CDH12: variants seen among roughly 807,000 people sequenced by gnomAD.
CDH12 encodes the protein cadherin 12.
CDH12 carries 41 observed loss-of-function variants against 74.1 expected under a neutral mutation model. The observed-to-expected ratio is 0.55, with a 90% CI of 0.43 to 0.72. The LOEUF is 0.72. CDH12 is among the 30% of genes least tolerant of loss of function. CDH12 has a pLI of 0.00. For synonymous variants in CDH12, 399 were observed against 355.0 expected (o/e 1.12, Z -1.39); for missense variants, 945 against 977.2 (o/e 0.97, Z 0.44).
At chr5:21,893,516 C>T (rs1209743053) in intron 6 of CDH12, among the ~76,000 whole-genome samples, 1 of 152,088 alleles carries the variant, frequency 6.6e-6, no homozygotes, top group Admixed American at 6.5e-5. Context: ...TTATTGTCAC[C>T]AGTAATATTT....
At chr5:22,569,589 T>C (rs1398357635) in intron 1 of CDH12, among the ~76,000 whole-genome samples, 2 of 152,336 alleles carry the variant, frequency 1.3e-5, no homozygotes, top group Non-Finnish European at 2.9e-5. Flanking sequence ...TTAGGACATA[T>C]TCTAAATCCT....
intron 4 of CDH12, among the ~76,000 whole-genome samples, chr5:22,181,760 T>C (rs1580367637): frequency 6.6e-6 from 1 of 152,268 alleles, no homozygotes; most frequent in Non-Finnish European, 1.5e-5. Flanking sequence ...GGAATGGTAA[T>C]TTCCCTTTCT....
intron 3 of CDH12, among the ~76,000 whole-genome samples, chr5:22,232,984 TTGG>T (rs1752437705): frequency 6.6e-6 from 1 of 151,036 alleles, no homozygotes; most frequent in Non-Finnish European, 1.5e-5. Context: ...ATGTCTGGGC[TTGG>T]TGTGCTAGTC....
chr5:22,803,633 G>T (rs901322174), intron 1 of CDH12, among the ~76,000 whole-genome samples: 1 of 152,132 alleles, frequency 6.6e-6, no homozygotes, highest in Non-Finnish European at 1.5e-5. Context: ...TTTAGCATCA[G>T]CTGGAAGTTC....
intron 2 of CDH12, among the ~76,000 whole-genome samples, chr5:22,440,138 A>G (rs1744566355): frequency 6.6e-6 from 1 of 152,118 alleles, no homozygotes; most frequent in South Asian, 2.1e-4. Flanking sequence ...TAATCTATTG[A>G]GAAGTGTTAG....
chr5:22,732,465 T>TACACACAC (rs1267497045), intron 1 of CDH12, among the ~76,000 whole-genome samples: 3 of 96,382 alleles, frequency 3.1e-5, no homozygotes, highest in African/African-American at 1.1e-4. Flanking sequence ...TGTATATATA[T>TACACACAC]ATATATACAC....
chr5:21,797,969 T>C (rs146539984), intron 10 of CDH12, among the ~76,000 whole-genome samples: 26 of 152,276 alleles, frequency 1.7e-4, no homozygotes, highest in African/African-American at 5.8e-4. Context: ...AGTTTCTCTA[T>C]GTAAATTCTT....
At chr5:21,985,228 T>C (rs189277086) in intron 5 of CDH12, among the ~76,000 whole-genome samples, 2,336 of 152,286 alleles carry the variant, frequency 0.015, 67 homozygotes, top group African/African-American at 0.053. Flanking sequence ...TCTGCTGGAA[T>C]GAGAAACTTC....
chr5:22,314,046 A>C (rs1240080682), intron 3 of CDH12, among the ~76,000 whole-genome samples: 2 of 152,238 alleles, frequency 1.3e-5, no homozygotes, highest in African/African-American at 4.8e-5. Flanking sequence ...GGAAAGTATT[A>C]GAAGACAATG....
chr5:22,806,793 C>T (rs1748838817), intron 1 of CDH12, among the ~76,000 whole-genome samples: 1 of 152,074 alleles, frequency 6.6e-6, no homozygotes, highest in Non-Finnish European at 1.5e-5. Flanking sequence ...ATTGTGTGTT[C>T]ATATCCTTTG....
intron 2 of CDH12, among the ~76,000 whole-genome samples, chr5:22,487,287 C>CCACT (rs1466880834): frequency 1.3e-5 from 2 of 152,080 alleles, no homozygotes; most frequent in African/African-American, 4.8e-5. Flanking sequence ...CAGGCATGAG[C>CCACT]CACTGTACCT....
chr5:22,158,386 T>A (rs1748146756), intron 4 of CDH12, among the ~76,000 whole-genome samples: 1 of 152,090 alleles, frequency 6.6e-6, no homozygotes, highest in African/African-American at 2.4e-5. Flanking sequence ...TGAGCACTTA[T>A]CACAAGTCAG....
intron 2 of CDH12, among the ~76,000 whole-genome samples, chr5:22,494,899 T>C (rs1373943066): frequency 2.0e-5 from 3 of 152,220 alleles, no homozygotes; most frequent in Non-Finnish European, 2.9e-5. Flanking sequence ...GATACATTCA[T>C]GCGTACCTTT....
At chr5:22,795,984 T>A (rs1748184359) in intron 1 of CDH12, among the ~76,000 whole-genome samples, 1 of 152,124 alleles carries the variant, frequency 6.6e-6, no homozygotes, top group Non-Finnish European at 1.5e-5. Flanking sequence ...TCATTTAATA[T>A]AATGTCCTCT....
chr5:22,292,341 G>GTTTTTTTTT (rs60010478), intron 3 of CDH12, among the ~76,000 whole-genome samples: 1 of 105,408 alleles, frequency 9.5e-6, no homozygotes, highest in Non-Finnish European at 2.0e-5. Context: ...TTTGGTTTTT[G>GTTTTTTTTT]TTTTTTTTTT....
intron 1 of CDH12, among the ~76,000 whole-genome samples, chr5:22,825,716 A>G (rs947387228): frequency 1.3e-5 from 2 of 152,188 alleles, no homozygotes; most frequent in African/African-American, 2.4e-5. Context: ...GCTTGTACTC[A>G]GAATGCAATG....
At chr5:22,481,496 A>G (rs573943896) in intron 2 of CDH12, among the ~76,000 whole-genome samples, 1 of 152,316 alleles carries the variant, frequency 6.6e-6, no homozygotes, top group East Asian at 1.9e-4. Flanking sequence ...AATGTGGCGT[A>G]TTTACAGTGG....
Position 22,675,381 on chromosome 5 carries a change from T to G in CDH12, c.-522-170017A>C, listed in dbSNP as rs986730213. On this transcript the variant is annotated intron_variant, in intron 1 of 14. Coordinates refer to ENST00000382254, the MANE Select transcript of CDH12 (RefSeq NM_004061.5). ...AGTCAAGAATTGAGGTTTGGGAACATCTGCCTAGATTTCAGAGGATGTATG... is the reference window on the plus strand; with the variant it reads ...AGTCAAGAATTGAGGTTTGGGAACAGCTGCCTAGATTTCAGAGGATGTATG... Among the ~76,000 whole-genome samples the G allele has an allele frequency of 2.6e-5, 4 of 152,164 alleles. No individual in the cohort carries two copies. In the East Asian group the frequency reaches 7.7e-4, roughly 29 times the overall value.
chr5:22,809,510 C>T (rs1255966462), intron 1 of CDH12, among the ~76,000 whole-genome samples: 2 of 151,576 alleles, frequency 1.3e-5, no homozygotes, highest in African/African-American at 2.4e-5. Context: ...AAATATATAT[C>T]TTCACACAGT....
Sources: gnomAD v4.1 joint callset for allele counts (sites outside exome capture counted in the v4.1 genomes callset) on GRCh38, gnomAD v4.1.1 for gene constraint, MANE v1.5 for transcripts, NCBI Gene and HGNC (gene_info 2026-07-23, HGNC 2026-07-21) for gene names.